Variants in EIF4G3 observed in about 807,000 individuals in gnomAD.
The protein encoded by EIF4G3 is eukaryotic translation initiation factor 4 gamma 3, also known as eIF-4-gamma 3.
A neutral mutation model predicts 186.4 loss-of-function variants in EIF4G3; 34 were observed. The ratio of observed to expected loss-of-function variants is 0.18; its 90% CI spans 0.14 to 0.24. The LOEUF (loss-of-function observed/expected upper bound fraction) is 0.24, where lower values mean the gene tolerates loss of function less well. Among genes scored for constraint, EIF4G3 ranks in the 10% least tolerant of loss-of-function variants. EIF4G3 has a pLI of 1.00. For missense variants in EIF4G3, 1,536 were observed against 1,948.5 expected (o/e 0.79, Z 3.99); for synonymous variants, 673 against 679.5 (o/e 0.99, Z 0.15).
intron 3 of EIF4G3, among the ~76,000 whole-genome samples, chr1:21,051,702 A>AC (rs1289519918): frequency 6.6e-6 from 1 of 151,626 alleles, no homozygotes; most frequent in Non-Finnish European, 1.5e-5. Flanking sequence ...ATAAAAAAAA[A>AC]TTTTTTTTTC....
chr1:20,886,130 G>C, intron 19 of EIF4G3, 71 bp downstream of exon 19: 1 of 1,495,542 alleles, frequency 6.7e-7, no homozygotes, highest in Non-Finnish European at 9.0e-7. Flanking sequence ...AGAAACATTA[G>C]CAAAGCAAAA....
At chr1:21,158,258 C>T (rs2097698225) in intron 2 of EIF4G3, among the ~76,000 whole-genome samples, 2 of 150,588 alleles carry the variant, frequency 1.3e-5, no homozygotes, top group Non-Finnish European at 1.5e-5. Context: ...TCACTGCAGC[C>T]TCCACCTCAC....
At chr1:21,051,266 AG>A (rs2094197137) in intron 3 of EIF4G3, among the ~76,000 whole-genome samples, 1 of 152,254 alleles carries the variant, frequency 6.6e-6, no homozygotes, top group South Asian at 2.1e-4. Flanking sequence ...GCTACAGGAA[AG>A]AAACAATACT....
At chr1:20,808,188 C>A (rs2058485527) in intron 36 of EIF4G3, among the ~76,000 whole-genome samples, 1 of 151,866 alleles carries the variant, frequency 6.6e-6, no homozygotes, top group African/African-American at 2.4e-5. Context: ...CCGGCCCAAT[C>A]TGAACTATCT....
At chr1:20,989,327 G>A (rs1436418239) in intron 7 of EIF4G3, among the ~76,000 whole-genome samples, 27 of 151,146 alleles carry the variant, frequency 1.8e-4, no homozygotes, top group African/African-American at 6.3e-4. Context: ...AAGTGGAGGC[G>A]GGTGGATCAC....
intron 2 of EIF4G3, among the ~76,000 whole-genome samples, chr1:21,164,696 C>CA (rs2097826214): frequency 6.6e-6 from 1 of 151,990 alleles, no homozygotes; most frequent in African/African-American, 2.4e-5. Flanking sequence ...CCCGTCTCTA[C>CA]AAAAAATACA....
intron 2 of EIF4G3, among the ~76,000 whole-genome samples, chr1:21,150,796 G>A (rs925656011): frequency 5.9e-5 from 9 of 152,126 alleles, no homozygotes; most frequent in Admixed American, 5.9e-4. Context: ...GGCTAACATG[G>A]TGAAACCCCG....
chr1:20,930,740 C>T (rs1315504699), intron 14 of EIF4G3, among the ~76,000 whole-genome samples: 2 of 152,218 alleles, frequency 1.3e-5, no homozygotes, highest in Non-Finnish European at 2.9e-5. Flanking sequence ...ATTTCCATCA[C>T]ATCTGCACTT....
intron 14 of EIF4G3, among the ~76,000 whole-genome samples, chr1:20,913,936 A>C (rs1216601700): frequency 6.6e-6 from 1 of 150,640 alleles, no homozygotes; most frequent in Admixed American, 6.7e-5. Context: ...CCTCCTCAGC[A>C]GCTGGGACTA....
rs181132813 is a variant in EIF4G3, at chr1:20,850,022, T to C, written c.3773-492A>G. Among the ~76,000 whole-genome samples, 49 of 152,312 alleles carry C rather than the reference T, an allele frequency of 3.2e-4. No individual in the cohort carries two copies. The East Asian group carries it at 7.3e-3, about 23-fold the overall frequency. On this transcript the variant is annotated intron_variant, in intron 28 of 36. Coordinates refer to ENST00000602326, the MANE Select transcript of EIF4G3 (RefSeq NM_001391906.1). Reference sequence around the variant, plus strand: ...GAACCTGTTTCATTCCTACTGGTCCTTCGGATGAAGGAAACCTCCCCTTGC... The same window carrying C: ...GAACCTGTTTCATTCCTACTGGTCCCTCGGATGAAGGAAACCTCCCCTTGC...
intron 2 of EIF4G3, among the ~76,000 whole-genome samples, chr1:21,161,828 C>T (rs2097772287): frequency 6.6e-6 from 1 of 151,358 alleles, no homozygotes; most frequent in Non-Finnish European, 1.5e-5. Flanking sequence ...ATTAGCCAAG[C>T]ATGGTGGCGA....
At chr1:21,006,619 A>G (rs2085150697) in intron 4 of EIF4G3, among the ~76,000 whole-genome samples, 1 of 152,258 alleles carries the variant, frequency 6.6e-6, no homozygotes, top group Admixed American at 6.5e-5. Context: ...AATGATGTAA[A>G]TTAATAATGT....
At chr1:20,857,358 G>A (rs768981312) in intron 25 of EIF4G3, 45 bp downstream of exon 25, 1 of 1,404,920 alleles carries the variant, frequency 7.1e-7, no homozygotes, top group East Asian at 2.3e-5. Flanking sequence ...TAATATCAAA[G>A]GCATCAAAGG....
intron 6 of EIF4G3, among the ~76,000 whole-genome samples, chr1:21,000,850 A>G (rs1441398968): frequency 6.6e-6 from 1 of 152,166 alleles, no homozygotes; most frequent in Non-Finnish European, 1.5e-5. Flanking sequence ...ACTACAGACA[A>G]TTTCCTCCTT....
chr1:20,829,879 A>G (rs1198022025), intron 30 of EIF4G3, among the ~76,000 whole-genome samples: 1 of 152,228 alleles, frequency 6.6e-6, no homozygotes, highest in African/African-American at 2.4e-5. Flanking sequence ...TATGAATTAT[A>G]AATATTTCTC....
intron 4 of EIF4G3, among the ~76,000 whole-genome samples, chr1:21,040,173 A>G (rs1442361471): frequency 2.0e-5 from 3 of 152,160 alleles, no homozygotes; most frequent in African/African-American, 7.2e-5. Flanking sequence ...CGGACCCCCA[A>G]CCTCAGGGGA....
intron 14 of EIF4G3, among the ~76,000 whole-genome samples, chr1:20,930,573 T>C (rs944522337): frequency 6.6e-6 from 1 of 152,160 alleles, no homozygotes; most frequent in African/African-American, 2.4e-5. Flanking sequence ...TTCTATGTTT[T>C]TGTTTTCTTA....
At chr1:20,852,090 A>G (rs1224120774) in intron 27 of EIF4G3, among the ~76,000 whole-genome samples, 1 of 152,194 alleles carries the variant, frequency 6.6e-6, no homozygotes, top group Non-Finnish European at 1.5e-5. Context: ...CTTGTTGCCC[A>G]GGCTGGAGTG....
chr1:20,886,282 G>T lies in EIF4G3; in HGVS notation c.2343C>A (p.His781Gln). 6.2e-7 allele frequency: 1 copy of T among 1,613,954 alleles called. No individual in the cohort carries two copies. Among genetic ancestry groups the T allele is most frequent in the Non-Finnish European group, 8.5e-7 (1 of 1,179,940 alleles). Residue 781 changes from histidine (H) to glutamine (Q), a missense_variant, in exon 19 of 37, where the codon CAC (histidine) becomes CAA (glutamine). Coordinates refer to ENST00000602326, the MANE Select transcript of EIF4G3 (RefSeq NM_001391906.1). ...TCCAGGCATTTTCTGCCTTTTTCAG[G>T]TGTACATCTTCTTTTACAGAAACTG... ...IITVSVKEDVHLKKAENAWKP... is the reference protein window; with the variant it reads ...IITVSVKEDVQLKKAENAWKP...
Sources: allele counts gnomAD v4.1 joint callset (sites outside exome capture counted in the v4.1 genomes callset), GRCh38; gene constraint gnomAD v4.1.1; transcripts MANE v1.5; gene names NCBI Gene and HGNC (gene_info 2026-07-23, HGNC 2026-07-21).